Variants in MAGI2 observed in about 807,000 individuals in gnomAD.
The protein encoded by MAGI2 is membrane associated guanylate kinase, WW and PDZ domain containing 2, also known as membrane-associated guanylate kinase, WW and PDZ domain-containing protein 2.
In MAGI2, 35 loss-of-function variants were observed where a neutral mutation model predicts 133.3. The observed-to-expected ratio is 0.26, with a 90% CI of 0.20 to 0.35. The LOEUF (loss-of-function observed/expected upper bound fraction) is 0.35. MAGI2 is among the 10% of genes least tolerant of loss of function. The pLI, the probability that MAGI2 is intolerant of heterozygous loss-of-function variation, is 1.00. For missense variants in MAGI2, 1,636 were observed against 1,863.4 expected (o/e 0.88, Z 2.25); for synonymous variants, 729 against 710.6 (o/e 1.03, Z -0.41).
chr7:78,998,816 A>T, intron 2 of MAGI2, among the ~76,000 whole-genome samples: 1 of 152,000 alleles, frequency 6.6e-6, no homozygotes. Context: ...AATAGCTAAG[A>T]CTCTGGAAAC....
intron 6 of MAGI2, among the ~76,000 whole-genome samples, chr7:78,432,013 C>T (rs757556162): frequency 1.6e-4 from 24 of 151,734 alleles, no homozygotes; most frequent in African/African-American, 5.1e-4. Flanking sequence ...AAATCTTAAG[C>T]GTTCAAATAC....
At chr7:78,270,647 T>C (rs181523089) in intron 9 of MAGI2, among the ~76,000 whole-genome samples, 291 of 152,220 alleles carry the variant, frequency 1.9e-3, no homozygotes, top group African/African-American at 6.5e-3. Context: ...GCCTATCAGC[T>C]TAAGGAGATT....
At chr7:78,347,074 A>G (rs1790994196) in intron 7 of MAGI2, 1 of 152,210 alleles carries the variant, frequency 6.6e-6, no homozygotes, top group Non-Finnish European at 1.5e-5. Context: ...TCTAAATCAC[A>G]TGTCTCGTAA....
At chr7:79,019,495 T>C (rs1257652912) in intron 1 of MAGI2, among the ~76,000 whole-genome samples, 1 of 152,160 alleles carries the variant, frequency 6.6e-6, no homozygotes, top group Non-Finnish European at 1.5e-5. Context: ...ACTAAACCTC[T>C]TTTCTTTATA....
intron 10 of MAGI2, chr7:78,252,754 A>C (rs1792542348): frequency 6.6e-6 from 1 of 152,180 alleles, no homozygotes; most frequent in Non-Finnish European, 1.5e-5. Context: ...ATCCTGGCTA[A>C]CACAGTGAAA....
chr7:79,253,140 A>C (rs969039080), intron 1 of MAGI2, among the ~76,000 whole-genome samples: 5 of 152,090 alleles, frequency 3.3e-5, no homozygotes, highest in Non-Finnish European at 7.4e-5. Context: ...ATTCGTACAA[A>C]CTCCAGAAAG....
At chr7:78,524,754 G>C (rs747377685) in intron 3 of MAGI2, among the ~76,000 whole-genome samples, 5 of 110,728 alleles carry the variant, frequency 4.5e-5, no homozygotes, top group Non-Finnish European at 9.1e-5. Flanking sequence ...CATTCCTAAA[G>C]GGTAGCACAG....
At chr7:78,131,782 A>G (rs1220843539) in intron 18 of MAGI2, among the ~76,000 whole-genome samples, 1 of 152,220 alleles carries the variant, frequency 6.6e-6, no homozygotes, top group African/African-American at 2.4e-5. Context: ...TCATTAGTCT[A>G]TGATGCCTAT....
chr7:78,399,138 C>T (rs893863538), intron 6 of MAGI2, among the ~76,000 whole-genome samples: 3 of 152,230 alleles, frequency 2.0e-5, no homozygotes, highest in East Asian at 1.9e-4. Flanking sequence ...ATCCACAGTG[C>T]AGAATATGAA....
At chr7:78,926,713 G>T (rs1473820101) in intron 2 of MAGI2, among the ~76,000 whole-genome samples, 1 of 152,024 alleles carries the variant, frequency 6.6e-6, no homozygotes, top group Non-Finnish European at 1.5e-5. Flanking sequence ...ACTAAGAAAT[G>T]AGTTAATGAT....
Position 79,007,221 on chromosome 7 carries a change from A to G in MAGI2, c.302-15T>C. 6.6e-7 allele frequency: 1 copy of G among 1,519,368 alleles called. No individual in the cohort carries two copies. Among genetic ancestry groups the G allele is most frequent in the Non-Finnish European group, 9.1e-7 (1 of 1,102,416 alleles). The allele number at this position is 1,519,368 out of a possible 1,614,324, so 94.1% of individuals were successfully genotyped here. On this transcript the variant is annotated splice_polypyrimidine_tract_variant and intron_variant, in intron 1 of 21. Transcript: ENST00000354212. ...AACAATTCCTCCTAAAAATAAAAAA[A>G]GTTTCTTGGTAAGGGATGTTGGAAA...
Position 79,343,410 on chromosome 7 carries a change from C to A in MAGI2, c.301+109610G>T, listed in dbSNP as rs370852482. ...CTTTGCATATCCTAATATGAAAGGA[C>A]GCGAATAAAGCTATCTATGTATTTC... On this transcript the variant is annotated intron_variant, in intron 1 of 21. Transcript: ENST00000354212. 216 of 152,040 alleles carry A rather than the reference C, an allele frequency of 1.4e-3. 1 individual carries two copies. Among genetic ancestry groups the A allele is most frequent in the African/African-American group, 4.9e-3 (204 of 41,494 alleles). The allele number at this position is 152,040 out of a possible 1,614,324, so 9.4% of individuals were successfully genotyped here. A position where few individuals can be genotyped will look rare whatever the true frequency, so the allele number is the denominator to read the frequency against.
chr7:79,252,933 T>C (rs1585332796), intron 1 of MAGI2, among the ~76,000 whole-genome samples: 3 of 152,352 alleles, frequency 2.0e-5, no homozygotes, highest in African/African-American at 7.2e-5. Flanking sequence ...ACTTTCTGAA[T>C]AGCCCAGGGT....
chr7:79,122,290 C>G (rs954673727), intron 1 of MAGI2, among the ~76,000 whole-genome samples: 1 of 152,176 alleles, frequency 6.6e-6, no homozygotes, highest in Non-Finnish European at 1.5e-5. Context: ...TACCTCTACA[C>G]ATGTCTCTCC....
intron 1 of MAGI2, among the ~76,000 whole-genome samples, chr7:79,022,045 A>T (rs1166633356): frequency 6.6e-6 from 1 of 152,134 alleles, no homozygotes. Context: ...CCCTGTGAAA[A>T]GGTGCCCTCC....
At chr7:79,233,890 T>G (rs80202148) in intron 1 of MAGI2, among the ~76,000 whole-genome samples, 6 of 151,680 alleles carry the variant, frequency 4.0e-5, no homozygotes, top group Non-Finnish European at 7.4e-5. Context: ...TTCCTAGTCT[T>G]GATGGTCTTT....
chr7:79,181,198 G>A (rs1044532598), intron 1 of MAGI2, among the ~76,000 whole-genome samples: 3 of 151,970 alleles, frequency 2.0e-5, no homozygotes, highest in African/African-American at 7.3e-5. Flanking sequence ...GACTCTGTGT[G>A]GGGGCTCTGA....
intron 20 of MAGI2, among the ~76,000 whole-genome samples, chr7:78,083,230 T>C (rs1816180352): frequency 6.6e-6 from 1 of 152,020 alleles, no homozygotes; most frequent in Non-Finnish European, 1.5e-5. Context: ...ATACTCTCTC[T>C]GCCACAGAGC....
chr7:78,787,637 C>T (rs561432284), intron 2 of MAGI2, among the ~76,000 whole-genome samples: 2 of 152,244 alleles, frequency 1.3e-5, no homozygotes, highest in African/African-American at 4.8e-5. Context: ...TAATATTAGC[C>T]AGCAAAAAGC....
Sources: allele counts gnomAD v4.1 joint callset (sites outside exome capture counted in the v4.1 genomes callset), GRCh38; gene constraint gnomAD v4.1.1; transcripts MANE v1.5; gene names NCBI Gene and HGNC (gene_info 2026-07-23, HGNC 2026-07-21).